The following PIP4P1 variants were observed in gnomAD, a reference collection of about 807,000 sequenced individuals.
PIP4P1 encodes phosphatidylinositol-4,5-bisphosphate 4-phosphatase 1.
PIP4P1 carries 14 observed loss-of-function variants against 32.3 expected under a neutral mutation model. The ratio of observed to expected loss-of-function variants is 0.43; its 90% CI spans 0.29 to 0.68. PIP4P1 has a LOEUF of 0.68. Among genes scored for constraint, PIP4P1 ranks in the 30% least tolerant of loss-of-function variants. The pLI is 0.15. For synonymous variants in PIP4P1, 132 were observed against 137.9 expected (o/e 0.96, Z 0.30); for missense variants, 289 against 364.5 (o/e 0.79, Z 1.69).
At position 20,459,264 on chromosome 14, in the gene PIP4P1, C is replaced by G. The variant is rs760910303; in HGVS notation, c.632G>C (p.Arg211Thr). The G allele has an allele frequency of 1.9e-6, 3 of 1,614,124 alleles. No homozygotes were observed. In the African/African-American group the frequency reaches 4.0e-5, roughly 22 times the overall value. The stretch of plus-strand genomic sequence containing the variant: ...GCCAAGCAAGAAGCAGCAGATACAT[C>G]TCTTACGTGGGTATCTGCGCCCAAT... ...SSIGRRYPRK[R>T]CICCFLLGLL... The change falls in exon 6 of 7, where the codon AGA (arginine) becomes ACA (threonine). Residue 211 changes from arginine (R) to threonine (T), a missense_variant. Around this residue, in one of 2 missense-constraint regions of PIP4P1, gnomAD observed 181 missense variants for 263.3 expected, o/e 0.69. Coordinates refer to ENST00000250489, the MANE Select transcript of PIP4P1 (RefSeq NM_144568.4).
Position 20,458,339 on chromosome 14 carries a change from C to T in PIP4P1, c.*220G>A, listed in dbSNP as rs111637268. 973 of 734,116 alleles carry T rather than the reference C, an allele frequency of 1.3e-3. 4 individuals are homozygous for T. In the African/African-American group the frequency reaches 0.015, roughly 11 times the overall value. The allele number at this position is 734,116 out of a possible 1,614,324, so 45.5% of individuals were successfully genotyped here. On this transcript the variant is annotated 3_prime_UTR_variant, in exon 7 of 7. Transcript: ENST00000250489. The stretch of plus-strand genomic sequence containing the variant: ...CGTTTTGCCTACTTCACCCTAGACA[C>T]AGCAACCCTTGGAGGAAAGCAGATG...
Position 20,461,169 on chromosome 14 carries a change from G to A in PIP4P1, c.142+15C>T. On this transcript the variant is annotated intron_variant, in intron 1 of 6. Transcript: ENST00000250489. ...CGGACCCGCCCCGGCTTACCCTGGG[G>A]CGGGGCATGTTTACCGGCTCCGTAC... is the stretch of plus-strand genomic sequence containing the variant. 7.9e-7 allele frequency: 1 copy of A among 1,261,806 alleles called. No homozygotes were observed. The highest frequency in any genetic ancestry group is 3.5e-5 in the South Asian group (1 of 28,594). The allele number at this position is 1,261,806 out of a possible 1,614,324, so 78.2% of individuals were successfully genotyped here.
chr14:20,461,085 C>T, intron 1 of PIP4P1, 99 bp downstream of exon 1: 2 of 1,271,546 alleles, frequency 1.6e-6, no homozygotes, highest in South Asian at 5.9e-5. Context: ...CGACTGGGAC[C>T]CGCCTCCGCC....
At chr14:20,461,079 T>C (rs1206124945) in intron 1 of PIP4P1, 105 bp downstream of exon 1, 1 of 1,269,548 alleles carries the variant, frequency 7.9e-7, no homozygotes, top group Non-Finnish European at 9.9e-7. Context: ...ACCTGGCGAC[T>C]GGGACCCGCC....
intron 6 of PIP4P1, 153 bp downstream of exon 6, chr14:20,459,053 C>A: frequency 1.3e-6 from 1 of 753,946 alleles, no homozygotes; most frequent in Non-Finnish European, 2.2e-6. Context: ...TCTGTTTGAT[C>A]AGCCACTTTG....
At position 20,461,280 on chromosome 14, in the gene PIP4P1, C is replaced by A; in HGVS notation, c.46G>T (p.Asp16Tyr). 1 of 1,288,892 alleles carries A rather than the reference C, an allele frequency of 7.8e-7. No individual in the cohort carries two copies. 79.8% of individuals were successfully genotyped at this position (1,288,892 alleles called of 1,614,324 possible). ...ERSPLLSEPIDGGAGGNGLVG... is the reference protein window; with the variant it reads ...ERSPLLSEPIYGGAGGNGLVG... The stretch of plus-strand genomic sequence containing the variant: ...AAACCGTTGCCGCCCGCGCCACCGT[C>A]GATGGGCTCAGACAGCAGCGGGGAA... Residue 16 changes from aspartate to tyrosine, a missense_variant, in exon 1 of 7, where the codon GAC (aspartate) becomes TAC (tyrosine). Asp to Tyr is a radical substitution (Grantham distance 160, BLOSUM62 -3). This residue lies in a region of PIP4P1 where 108 missense variants were observed against 101.2 expected (regional missense o/e 1.07). Coordinates refer to ENST00000250489, the MANE Select transcript of PIP4P1 (RefSeq NM_144568.4).
At position 20,460,862 on chromosome 14, in the gene PIP4P1, T is replaced by C. The variant is rs560893594; in HGVS notation, c.143-17A>G. 15 of 1,537,464 alleles carry C rather than the reference T, an allele frequency of 9.8e-6. No homozygotes were observed. Among genetic ancestry groups the C allele is most frequent in the African/African-American group, 2.8e-5 (2 of 71,972 alleles). ...GGGGAAATGCTGGAGAGGAAGCAAA[T>C]AGAAGGGCTGGGATCACTTACACCC... On this transcript the variant is annotated splice_polypyrimidine_tract_variant and intron_variant, in intron 1 of 6. Coordinates refer to ENST00000250489, the MANE Select transcript of PIP4P1 (RefSeq NM_144568.4).
At chr14:20,460,144 G>T in intron 3 of PIP4P1, 48 bp downstream of exon 3, 2 of 1,408,092 alleles carry the variant, frequency 1.4e-6, no homozygotes, top group South Asian at 2.3e-5. Flanking sequence ...ATCCTTTTTT[G>T]ACTTTCCAGT....
chr14:20,461,136 G>T, intron 1 of PIP4P1, 48 bp downstream of exon 1: 2 of 1,266,688 alleles, frequency 1.6e-6, no homozygotes, highest in Non-Finnish European at 1.0e-6. Flanking sequence ...GTACCCCGGG[G>T]AGCACCTCGG....
Position 20,458,581 on chromosome 14 carries a change from T to C in PIP4P1, c.812A>G (p.His271Arg). 1 of 1,613,828 alleles carries C rather than the reference T, an allele frequency of 6.2e-7. No homozygotes were observed. The highest frequency in any genetic ancestry group is 1.1e-5 in the South Asian group (1 of 91,048). ...ALYWACMKVS[H>R]PVQNFS ...GGCTCAGGAGAAGTTCTGGACAGGG[T>C]GGCTGACCTTCATACAGGCCCAATA... Residue 271 changes from histidine to arginine, a missense_variant, in exon 7 of 7, where the codon CAC (histidine) becomes CGC (arginine). Physicochemically the swap from His to Arg is conservative, Grantham distance 29 (BLOSUM62 0). Coordinates refer to ENST00000250489, the MANE Select transcript of PIP4P1 (RefSeq NM_144568.4).
Position 20,458,611 on chromosome 14 carries a change from G to C in PIP4P1, c.782C>G (p.Ala261Gly), listed in dbSNP as rs750358146. ...ILLAVLCLGR[A>G]LYWACMKVSH... ...GACCTTCATACAGGCCCAATAAAGA[G>C]CCCGGCCCAAACACAGCACAGCCAA... Residue 261 changes from alanine to glycine, a missense_variant, in exon 7 of 7, where the codon GCT becomes GGT. Around this residue, in one of 2 missense-constraint regions of PIP4P1, gnomAD observed 181 missense variants for 263.3 expected, o/e 0.69. Coordinates refer to ENST00000250489, the MANE Select transcript of PIP4P1 (RefSeq NM_144568.4). The C allele has an allele frequency of 6.2e-7, 1 of 1,614,144 alleles. No homozygotes were observed. Among genetic ancestry groups the C allele is most frequent in the Non-Finnish European group, 8.5e-7 (1 of 1,180,040 alleles).
chr14:20,459,371 A>G lies in PIP4P1; in HGVS notation c.599+17T>C. On this transcript the variant is annotated intron_variant, in intron 5 of 6. Transcript: ENST00000250489. ...TACTCCATACATCAATTACCAGCTC[A>G]ATCCCTAATCACTTACACTTTCCTG... 1 of 1,612,868 alleles carries G rather than the reference A, an allele frequency of 6.2e-7. No homozygotes were observed. Among genetic ancestry groups the G allele is most frequent in the Non-Finnish European group, 8.5e-7 (1 of 1,178,888 alleles).
Position 20,457,820 on chromosome 14 carries a change from CAT to C in PIP4P1, c.*737_*738del, listed in dbSNP as rs145253584. The stretch of plus-strand genomic sequence containing the variant: ...TCGTGGGGCTACACATTCTCTTCCT[CAT>C]ATTTTCATGCACACAAGTTAACAAC... On this transcript the variant is annotated 3_prime_UTR_variant, in exon 7 of 7. Transcript: ENST00000250489. 12,845 of 421,218 alleles carry C rather than the reference CAT, an allele frequency of 0.03. 246 individuals carry two copies. The highest frequency in any genetic ancestry group is 0.051 in the Middle Eastern group (68 of 1,338). The allele number at this position is 421,218 out of a possible 1,614,324, so 26.1% of individuals were successfully genotyped here. A position where few individuals can be genotyped will look rare whatever the true frequency, so the allele number is the denominator to read the frequency against.
At chr14:20,458,735 G>C (rs769979154) in intron 6 of PIP4P1, 33 bp from the exon 7 acceptor site, 52 of 1,598,188 alleles carry the variant, frequency 3.3e-5, no homozygotes, top group Middle Eastern at 1.7e-4. Context: ...AGAAAAGAAA[G>C]ATGGGGTTAA....
chr14:20,460,172 C>A lies in PIP4P1; in HGVS notation c.440+20G>T, dbSNP rs764833417. On this transcript the variant is annotated intron_variant, in intron 3 of 6. Coordinates refer to ENST00000250489, the MANE Select transcript of PIP4P1 (RefSeq NM_144568.4). ...TTTCCAGTTCCCCACTTAGGCCCTT[C>A]CCCACCTTATGCCTCTTACCAGTAG... is the stretch of plus-strand genomic sequence containing the variant. 1.9e-6 allele frequency: 3 copies of A among 1,591,650 alleles called. No individual in the cohort carries two copies. Among genetic ancestry groups the A allele is most frequent in the Admixed American group, 3.3e-5 (2 of 59,980 alleles).
chr14:20,461,246 G>A lies in PIP4P1; in HGVS notation c.80C>T (p.Pro27Leu), dbSNP rs1398083121. ...GGAGGNGLVG[P>L]GGSGAGPGGG... ...CCCGGGCCCAGCCCCACTCCCGCCGGGCCCCACTAAACCGTTGCCGCCCGC... is the reference window on the plus strand; with the variant it reads ...CCCGGGCCCAGCCCCACTCCCGCCGAGCCCCACTAAACCGTTGCCGCCCGC... The change falls in exon 1 of 7, where the codon CCC becomes CTC. Residue 27 changes from proline (P) to leucine (L), a missense_variant. Pro to Leu is a moderately conservative substitution (Grantham distance 98). This residue lies in a region of PIP4P1 where 108 missense variants were observed against 101.2 expected (regional missense o/e 1.07). Coordinates refer to ENST00000250489, the MANE Select transcript of PIP4P1 (RefSeq NM_144568.4). 1.6e-6 allele frequency: 2 copies of A among 1,270,312 alleles called. No homozygotes were observed. The highest frequency in any genetic ancestry group is 2.0e-6 in the Non-Finnish European group (2 of 1,003,446). The allele number at this position is 1,270,312 out of a possible 1,614,324, so 78.7% of individuals were successfully genotyped here. A position where few individuals can be genotyped will look rare whatever the true frequency, so the allele number is the denominator to read the frequency against.
In PIP4P1 at chr14:20,458,719, G is replaced by A. The variant is rs1171221709; in HGVS notation, c.691-17C>T. ...TGTGCCAAACTGATGAAGATAAGGA[G>A]GGAGAAGAAAAGAAAGATGGGGTTA... On this transcript the variant is annotated splice_polypyrimidine_tract_variant and intron_variant, in intron 6 of 6. Transcript: ENST00000250489. 3 of 1,605,132 alleles carry A rather than the reference G, an allele frequency of 1.9e-6. No individual in the cohort carries two copies. The African/African-American group carries it at 4.0e-5, about 22-fold the overall frequency.
chr14:20,459,369 T>C lies in PIP4P1; in HGVS notation c.599+19A>G. 1.1e-5 allele frequency: 18 copies of C among 1,614,190 alleles called. No individual in the cohort carries two copies. Among genetic ancestry groups the C allele is most frequent in the Non-Finnish European group, 1.5e-5 (18 of 1,180,034 alleles). ...TTTACTCCATACATCAATTACCAGC[T>C]CAATCCCTAATCACTTACACTTTCC... On this transcript the variant is annotated intron_variant, in intron 5 of 6. Coordinates refer to ENST00000250489, the MANE Select transcript of PIP4P1 (RefSeq NM_144568.4).
intron 6 of PIP4P1, 39 bp downstream of exon 6, chr14:20,459,167 A>G (rs1881596012): frequency 6.2e-7 from 1 of 1,601,774 alleles, no homozygotes; most frequent in Admixed American, 1.7e-5. Flanking sequence ...TATGGAGATG[A>G]GGCTGCAGAA....
Sources: gnomAD v4.1 joint callset for allele counts on GRCh38, gnomAD v4.1.1 for gene constraint, gnomAD v4.1.1 regional missense constraint, MANE v1.5 for transcripts, NCBI Gene and HGNC (gene_info 2026-07-23, HGNC 2026-07-21) for gene names.